ACO1: variants seen among roughly 807,000 people sequenced by gnomAD.
ACO1 encodes the protein aconitase 1, also known as cytoplasmic aconitate hydratase.
ACO1 carries 78 observed loss-of-function variants against 105.1 expected under a neutral mutation model. The ratio of observed to expected loss-of-function variants is 0.74; its 90% confidence interval spans 0.62 to 0.90. ACO1 has a LOEUF of 0.90. ACO1 is among the 40% of genes least tolerant of loss of function. ACO1 has a pLI of 0.00. For missense variants in ACO1, 965 were observed against 1,111.1 expected (o/e 0.87, Z 1.87); for synonymous variants, 364 against 397.4 (o/e 0.92, Z 1.00).
At chr9:32,394,239 C>G (rs1466984449) in intron 1 of ACO1, among the ~76,000 whole-genome samples, 1 of 152,212 alleles carries the variant, frequency 6.6e-6, no homozygotes. Flanking sequence ...TCACCTGTCC[C>G]TAGAGTCCTT....
At chr9:32,397,253 G>GT (rs1821392702) in intron 1 of ACO1, among the ~76,000 whole-genome samples, 1 of 152,036 alleles carries the variant, frequency 6.6e-6, no homozygotes, top group South Asian at 2.1e-4. Context: ...TTTCCCCCCA[G>GT]TTTCTCTCCA....
intron 19 of ACO1, among the ~76,000 whole-genome samples, chr9:32,447,678 G>A (rs1367329176): frequency 6.6e-6 from 1 of 152,194 alleles, no homozygotes; most frequent in Non-Finnish European, 1.5e-5. Context: ...GCGTTTTTGT[G>A]CTGGTTTCTC....
chr9:32,435,708 G>T (rs999874439), intron 17 of ACO1, among the ~76,000 whole-genome samples: 3 of 152,108 alleles, frequency 2.0e-5, no homozygotes, highest in African/African-American at 4.8e-5. Context: ...GCACTGCCTC[G>T]ATTTTTCTCT....
chr9:32,398,728 G>A (rs1055643673), intron 1 of ACO1, among the ~76,000 whole-genome samples: 4 of 151,998 alleles, frequency 2.6e-5, no homozygotes, highest in Admixed American at 6.6e-5. Context: ...CGAGTAGCTG[G>A]GACTACAGGT....
intron 1 of ACO1, among the ~76,000 whole-genome samples, chr9:32,395,337 G>C (rs1030605803): frequency 6.6e-6 from 1 of 152,130 alleles, no homozygotes; most frequent in Admixed American, 6.5e-5. Context: ...TTAGCCAGGC[G>C]TGGTGGTGGG....
chr9:32,443,043 A>G (rs1822516838), intron 19 of ACO1, among the ~76,000 whole-genome samples: 1 of 152,174 alleles, frequency 6.6e-6, no homozygotes, highest in Non-Finnish European at 1.5e-5. Context: ...AACAGTTCTA[A>G]CTTACAAAGT....
At chr9:32,428,697 AGCC>A (rs1822155889) in intron 12 of ACO1, among the ~76,000 whole-genome samples, 1 of 152,020 alleles carries the variant, frequency 6.6e-6, no homozygotes, top group Non-Finnish European at 1.5e-5. Context: ...AAACAAAATT[AGCC>A]GGGCGTGGTG....
At chr9:32,399,112 G>A (rs1821433520) in intron 1 of ACO1, among the ~76,000 whole-genome samples, 1 of 152,130 alleles carries the variant, frequency 6.6e-6, no homozygotes, top group Non-Finnish European at 1.5e-5. Context: ...TGTCATTCAC[G>A]TAAAGGGAAA....
chr9:32,384,810 C>A, intron 1 of ACO1, 75 bp downstream of exon 1: 1 of 284,324 alleles, frequency 3.5e-6, no homozygotes, highest in Non-Finnish European at 7.5e-6. Context: ...AGAGTCGGTG[C>A]GGGCCTTTAC....
chr9:32,424,644 T>G lies in ACO1; in HGVS notation c.1167T>G (p.Phe389Leu), dbSNP rs1460703568. ...CTGTGTCCGACATGAAAAAGGACTT[T>G]GAGAGCTGCCTTGGAGCCAAGGTAG... ...KVAVSDMKKDFESCLGAKQGF... is the reference protein window; with the variant it reads ...KVAVSDMKKDLESCLGAKQGF... The change falls in exon 10 of 21, where the codon TTT (phenylalanine) becomes TTG (leucine). Residue 389 changes from phenylalanine (F) to leucine (L), a missense_variant. By Grantham distance (22) the Phe-to-Leu change is conservative. Transcript: ENST00000309951. The G allele has an allele frequency of 6.2e-7, 1 of 1,613,896 alleles. No individual in the cohort carries two copies. The highest frequency in any genetic ancestry group is 1.7e-5 in the Admixed American group (1 of 59,994).
intron 4 of ACO1, 152 bp from the exon 5 acceptor site, chr9:32,417,976 T>C: frequency 1.5e-6 from 1 of 675,606 alleles, no homozygotes; most frequent in Non-Finnish European, 2.5e-6. Flanking sequence ...TTACCTCTCC[T>C]ATTCTGCATT....
At chr9:32,388,191 G>T (rs1419802808) in intron 1 of ACO1, among the ~76,000 whole-genome samples, 1 of 152,258 alleles carries the variant, frequency 6.6e-6, no homozygotes, top group Non-Finnish European at 1.5e-5. Flanking sequence ...AAAACTAGTA[G>T]TGTCTCTAAG....
intron 4 of ACO1, 33 bp downstream of exon 4, chr9:32,408,684 G>A: frequency 8.7e-6 from 14 of 1,604,522 alleles, no homozygotes; most frequent in South Asian, 2.2e-5. Flanking sequence ...TGAGTGTTCT[G>A]CTTTGTGCAA....
chr9:32,440,491 G>C lies in ACO1; in HGVS notation c.2274G>C (p.Arg758=). The change falls in exon 19 of 21, where the codon CGG becomes CGC. Residue 758 remains arginine, a synonymous_variant. Transcript: ENST00000309951. ...TTGATGTGTTTGATGCTGCTGAGCG[G>C]TACCAGCAGGCAGGCCTTCCCCTGA... ...EILDVFDAAE[R]YQQAGLPLIV... The C allele has an allele frequency of 6.2e-7, 1 of 1,613,900 alleles. No individual in the cohort carries two copies. Among genetic ancestry groups the C allele is most frequent in the South Asian group, 1.1e-5 (1 of 91,078 alleles).
At chr9:32,434,491 T>C in intron 16 of ACO1, 68 bp from the exon 17 acceptor site, 2 of 1,594,218 alleles carry the variant, frequency 1.3e-6, no homozygotes, top group Non-Finnish European at 1.7e-6. Context: ...GCCACCATCG[T>C]AGAGACTGAT....
Position 32,418,204 on chromosome 9 carries a change from G to A in ACO1, c.474+7G>A. 6.2e-7 allele frequency: 1 copy of A among 1,614,096 alleles called. No homozygotes were observed. Among genetic ancestry groups the A allele is most frequent in the Non-Finnish European group, 8.5e-7 (1 of 1,179,968 alleles). The stretch of plus-strand genomic sequence containing the variant: ...GCGATTTGAATTTTTAAAGGTATGG[G>A]CAGGGTCTGGTTCCATTGTTTGGTT... On this transcript the variant is annotated splice_region_variant and intron_variant, in intron 5 of 20. Transcript: ENST00000309951.
intron 1 of ACO1, among the ~76,000 whole-genome samples, chr9:32,403,837 T>G (rs1349888624): frequency 2.0e-5 from 3 of 152,074 alleles, no homozygotes; most frequent in Non-Finnish European, 4.4e-5. Flanking sequence ...GTTGAGATAG[T>G]CTTCTGTTTT....
intron 11 of ACO1, 75 bp downstream of exon 11, chr9:32,426,072 C>A (rs1311201153): frequency 6.7e-7 from 1 of 1,498,394 alleles, no homozygotes; most frequent in Admixed American, 2.0e-5. Flanking sequence ...GGCCCAGGGC[C>A]TTGGCGGAGT....
At position 32,440,533 on chromosome 9, in the gene ACO1, A is replaced by G. The variant is rs748865716; in HGVS notation, c.2316A>G (p.Lys772=). Residue 772 remains lysine (K), a synonymous_variant, in exon 19 of 21, where the codon AAA becomes AAG. Coordinates refer to ENST00000309951, the MANE Select transcript of ACO1 (RefSeq NM_002197.3). ...TTCCCCTGATCGTTCTGGCTGGCAA[A>G]GAGTACGGTGCAGGCAGCTCCCGAG... ...AGLPLIVLAG[K]EYGAGSSRDW... is the part of the protein sequence containing the mutation. 1.2e-6 allele frequency: 2 copies of G among 1,613,970 alleles called. No individual in the cohort carries two copies. The highest frequency in any genetic ancestry group is 4.5e-5 in the East Asian group (2 of 44,864).
Sources: allele counts gnomAD v4.1 joint callset (sites outside exome capture counted in the v4.1 genomes callset), GRCh38; gene constraint gnomAD v4.1.1; transcripts MANE v1.5; gene names NCBI Gene and HGNC (gene_info 2026-07-23, HGNC 2026-07-21).